The following ULK4 variants were observed in gnomAD, a reference collection of about 807,000 sequenced individuals.
The protein encoded by ULK4 is unc-51 like kinase 4, also known as inactive serine/threonine-protein kinase ULK4.
In ULK4, 133 loss-of-function variants were observed where a neutral mutation model predicts 160.6. The ratio of observed to expected loss-of-function variants is 0.83; its 90% CI spans 0.72 to 0.96. ULK4 has a LOEUF of 0.96. ULK4 is among the 40% of genes least tolerant of loss of function. The pLI, the probability that ULK4 is intolerant of heterozygous loss-of-function variation, is 0.00. For missense variants in ULK4, 1,580 were observed against 1,499.5 expected, an observed-to-expected ratio of 1.05 and a Z score of -0.89; for synonymous variants, 534 against 539.8, an observed-to-expected ratio of 0.99 and a Z score of 0.15.
intron 19 of ULK4, among the ~76,000 whole-genome samples, chr3:41,805,264 T>C (rs1301606270): frequency 1.3e-5 from 2 of 152,200 alleles, no homozygotes. Context: ...GGGAGTTCAC[T>C]CATGATTTGG....
intron 6 of ULK4, among the ~76,000 whole-genome samples, chr3:41,918,910 C>T (rs1433699240): frequency 6.6e-6 from 1 of 151,986 alleles, no homozygotes; most frequent in Non-Finnish European, 1.5e-5. Context: ...CTTGCTATCA[C>T]CAATAATTCT....
At chr3:41,442,078 GTA>G (rs2083184149) in intron 34 of ULK4, among the ~76,000 whole-genome samples, 2 of 152,068 alleles carry the variant, frequency 1.3e-5, no homozygotes, top group Admixed American at 1.3e-4. Flanking sequence ...TATGCTTCTT[GTA>G]AGCAGTATAT....
At chr3:41,346,415 T>A (rs945614338) in intron 35 of ULK4, among the ~76,000 whole-genome samples, 6 of 152,172 alleles carry the variant, frequency 3.9e-5, no homozygotes, top group Non-Finnish European at 8.8e-5. Flanking sequence ...ACAATATCAA[T>A]GCTATCCTTT....
In ULK4 at chr3:41,911,645, T is replaced by G. The variant is rs762949294; in HGVS notation, c.911A>C (p.Glu304Ala). The change falls in exon 10 of 37, where the codon GAG becomes GCG. Residue 304 changes from glutamate to alanine, a missense_variant. Glu to Ala is a moderately radical substitution (Grantham distance 107). Transcript: ENST00000301831. The stretch of plus-strand genomic sequence containing the variant: ...CTTGGAATCTTGTGGCCCAGAACAC[T>G]CCATAGTGTTTCTGCTATTATTGGA... ...EDLSLSRNTMECSGPQDSKEL... is the reference protein window; with the variant it reads ...EDLSLSRNTMACSGPQDSKEL... 42 of 1,612,992 alleles carry G rather than the reference T, an allele frequency of 2.6e-5. No homozygotes were observed. The highest frequency in any genetic ancestry group is 3.4e-5 in the Non-Finnish European group (40 of 1,179,754).
intron 18 of ULK4, among the ~76,000 whole-genome samples, chr3:41,825,103 C>T (rs2041297575): frequency 6.6e-6 from 1 of 152,196 alleles, no homozygotes; most frequent in Admixed American, 6.5e-5. Context: ...AGCTGAGGGT[C>T]CTGTCTGTTA....
At chr3:41,896,224 G>A (rs796367472) in intron 15 of ULK4, among the ~76,000 whole-genome samples, 74 of 152,170 alleles carry the variant, frequency 4.9e-4, no homozygotes, top group African/African-American at 1.8e-3. Flanking sequence ...TAATGAGAAG[G>A]TAAAAGGTCT....
chr3:41,496,042 T>G (rs573422044), intron 32 of ULK4, among the ~76,000 whole-genome samples: 1 of 152,008 alleles, frequency 6.6e-6, no homozygotes, highest in East Asian at 1.9e-4. Flanking sequence ...AAATCAAAAG[T>G]CAAACAATAA....
At chr3:41,483,312 ACACATTTGCTCTG>A (rs1267436176) in intron 32 of ULK4, among the ~76,000 whole-genome samples, 5 of 152,196 alleles carry the variant, frequency 3.3e-5, no homozygotes, top group African/African-American at 1.2e-4. Flanking sequence ...TCTTTAAATA[ACACATTTGCTCTG>A]CTGCTTCAAG....
At chr3:41,696,546 C>T (rs771220152) in intron 27 of ULK4, among the ~76,000 whole-genome samples, 1 of 151,956 alleles carries the variant, frequency 6.6e-6, no homozygotes, top group Non-Finnish European at 1.5e-5. Context: ...TACTGGTCTC[C>T]GCATCTTGGT....
At chr3:41,370,764 C>CTG (rs2081348264) in intron 35 of ULK4, among the ~76,000 whole-genome samples, 1 of 152,180 alleles carries the variant, frequency 6.6e-6, no homozygotes, top group Non-Finnish European at 1.5e-5. Flanking sequence ...TTTCCAAACC[C>CTG]CAGTGGCGCC....
rs568396658 is a variant in ULK4, at chr3:41,933,367, A to C, written c.379-1361T>G. On this transcript the variant is annotated intron_variant, in intron 4 of 36. Coordinates refer to ENST00000301831, the MANE Select transcript of ULK4 (RefSeq NM_017886.4). ...ATATTTTAGACTTTACGAGCCATACAGTCTTTTGTACTTCAATGTCATTTC... is the reference window on the plus strand; with the variant it reads ...ATATTTTAGACTTTACGAGCCATACCGTCTTTTGTACTTCAATGTCATTTC... 2.3e-3 allele frequency among the ~76,000 whole-genome samples: 351 copies of C among 152,324 alleles called. 2 individuals are homozygous for C. Among genetic ancestry groups the C allele is most frequent in the South Asian group, 6.8e-3 (33 of 4,826 alleles).
intron 2 of ULK4, among the ~76,000 whole-genome samples, chr3:41,950,560 T>C (rs1208258245): frequency 6.6e-6 from 1 of 151,898 alleles, no homozygotes; most frequent in Non-Finnish European, 1.5e-5. Flanking sequence ...AGCTAATTTT[T>C]GTATCTTTTG....
At chr3:41,873,159 T>C (rs1297779521) in intron 17 of ULK4, among the ~76,000 whole-genome samples, 3 of 151,286 alleles carry the variant, frequency 2.0e-5, no homozygotes, top group Non-Finnish European at 3.0e-5. Flanking sequence ...CTCAAATAAA[T>C]AAATAAGCAA....
intron 12 of ULK4, among the ~76,000 whole-genome samples, chr3:41,902,240 C>G (rs1698397843): frequency 6.6e-6 from 1 of 152,040 alleles, no homozygotes; most frequent in Admixed American, 6.5e-5. Context: ...TAAGAAAGTT[C>G]CTGGAAACCC....
intron 14 of ULK4, among the ~76,000 whole-genome samples, chr3:41,897,545 T>C (rs1449373353): frequency 2.0e-5 from 3 of 152,308 alleles, no homozygotes; most frequent in Non-Finnish European, 4.4e-5. Flanking sequence ...CTGATCTCTA[T>C]CTTTAGACAA....
chr3:41,632,892 G>A (rs913780021), intron 30 of ULK4, among the ~76,000 whole-genome samples: 1 of 152,118 alleles, frequency 6.6e-6, no homozygotes, highest in Non-Finnish European at 1.5e-5. Context: ...CTACAGGGTA[G>A]GTACAGCCTG....
chr3:41,879,103 A>G (rs1266061497), intron 17 of ULK4, among the ~76,000 whole-genome samples: 4 of 152,230 alleles, frequency 2.6e-5, no homozygotes, highest in Admixed American at 2.6e-4. Flanking sequence ...ACCAGGAATT[A>G]AGAGACTTAA....
intron 25 of ULK4, among the ~76,000 whole-genome samples, chr3:41,707,656 A>G (rs934073195): frequency 6.6e-6 from 1 of 151,962 alleles, no homozygotes; most frequent in African/African-American, 2.4e-5. Flanking sequence ...ACATAGCAAG[A>G]CTGTCTCCGC....
chr3:41,742,511 T>C (rs1215812783), intron 22 of ULK4, among the ~76,000 whole-genome samples: 6 of 151,944 alleles, frequency 3.9e-5, no homozygotes, highest in African/African-American at 1.5e-4. Context: ...ACATTAAGAC[T>C]TAATGACACA....
Sources: allele counts gnomAD v4.1 joint callset (sites outside exome capture counted in the v4.1 genomes callset), GRCh38; gene constraint gnomAD v4.1.1; transcripts MANE v1.5; gene names NCBI Gene and HGNC (gene_info 2026-07-23, HGNC 2026-07-21).